The following SUPT3H variants were observed in gnomAD, a reference collection of about 807,000 sequenced individuals.
The protein encoded by SUPT3H is transcription initiation protein SPT3 homolog.
A neutral mutation model predicts 44.3 loss-of-function variants in SUPT3H; 44 were observed. That is an observed-to-expected ratio of 0.99 (90% CI 0.78 to 1.28). SUPT3H has a LOEUF of 1.28. SUPT3H is among the 50% of genes most tolerant of loss of function. SUPT3H has a pLI of 0.00. For synonymous variants in SUPT3H, 124 were observed against 125.6 expected (o/e 0.99, Z 0.09); for missense variants, 380 against 387.1 (o/e 0.98, Z 0.15).
intron 2 of SUPT3H, among the ~76,000 whole-genome samples, chr6:45,249,916 T>C (rs965934355): frequency 6.6e-6 from 1 of 152,170 alleles, no homozygotes; most frequent in Non-Finnish European, 1.5e-5. Flanking sequence ...AGATCCCTTC[T>C]GCTCAGCTGC....
At chr6:45,002,056 C>T (rs1421713062) in intron 6 of SUPT3H, among the ~76,000 whole-genome samples, 2 of 151,992 alleles carry the variant, frequency 1.3e-5, no homozygotes, top group Admixed American at 6.6e-5. Context: ...CAAAGCTTAA[C>T]GAAGTTGCCA....
In SUPT3H at chr6:44,829,509, G is replaced by A; in HGVS notation, c.*307C>T. ...GGACGGGGGCAACCACTGCTTTTAA[G>A]GTATGTGAGCTGAGGGCAGTAAATC... On this transcript the variant is annotated 3_prime_UTR_variant, in exon 11 of 11. Coordinates refer to ENST00000371459, the MANE Select transcript of SUPT3H (RefSeq NM_003599.4). The A allele has an allele frequency of 4.3e-6, 1 of 231,118 alleles. No homozygotes were observed. The highest frequency in any genetic ancestry group is 9.1e-5 in the East Asian group (1 of 10,930). 14.3% of individuals were successfully genotyped at this position (231,118 alleles called of 1,614,324 possible). A position where few individuals can be genotyped will look rare whatever the true frequency, so the allele number is the denominator to read the frequency against.
intron 10 of SUPT3H, among the ~76,000 whole-genome samples, chr6:44,884,076 C>G: frequency 6.6e-6 from 1 of 152,092 alleles, no homozygotes; most frequent in East Asian, 1.9e-4. Context: ...AACAGACAAC[C>G]TACAGAATGG....
At position 45,359,618 on chromosome 6, in the gene SUPT3H, C is replaced by T. The variant is rs1395812170; in HGVS notation, c.101+5583G>A. Among the ~76,000 whole-genome samples, 9 of 152,182 alleles carry T rather than the reference C, an allele frequency of 5.9e-5. 1 individual carries two copies. The East Asian group carries it at 1.5e-3, about 26-fold the overall frequency. On this transcript the variant is annotated intron_variant, in intron 2 of 10. Coordinates refer to ENST00000371459, the MANE Select transcript of SUPT3H (RefSeq NM_003599.4). Reference sequence around the variant, plus strand: ...CCAAAATTATGAAATAACACAAATACAAGCATCTAATAAGTATATAGTAAG... The same window carrying T: ...CCAAAATTATGAAATAACACAAATATAAGCATCTAATAAGTATATAGTAAG...
chr6:45,106,107 T>C (rs1799234701), intron 2 of SUPT3H, 101 bp from the exon 3 acceptor site: 3 of 1,013,906 alleles, frequency 3.0e-6, no homozygotes, highest in African/African-American at 3.2e-5. Context: ...AAGGAGAACA[T>C]AAATTGTTTG....
downstream of SUPT3H, among the ~76,000 whole-genome samples, chr6:44,826,317 C>A (rs184188205): frequency 3.3e-5 from 5 of 152,210 alleles, no homozygotes; most frequent in African/African-American, 1.2e-4. Flanking sequence ...TGCCACTGTA[C>A]AACAATAGCA....
Position 44,954,557 on chromosome 6 carries a change from T to C in SUPT3H, c.631A>G (p.Ile211Val). The C allele has an allele frequency of 6.2e-7, 1 of 1,614,150 alleles. No homozygotes were observed. Among genetic ancestry groups the C allele is most frequent in the Non-Finnish European group, 8.5e-7 (1 of 1,180,030 alleles). ...RDWLDCSSME[I>V]KPNVVAMEIL... The stretch of plus-strand genomic sequence containing the variant: ...TCCATTGCGACAACATTGGGTTTTA[T>C]CTCCATACTGCTGCAGTCCAACCAG... The change falls in exon 8 of 11, where the codon ATA becomes GTA. Residue 211 changes from isoleucine (I) to valine (V), a missense_variant. Transcript: ENST00000371459.
intron 3 of SUPT3H, among the ~76,000 whole-genome samples, chr6:45,057,581 C>CAAGG (rs1180473066): frequency 1.3e-5 from 2 of 152,104 alleles, no homozygotes; most frequent in Non-Finnish European, 2.9e-5. Flanking sequence ...TTGAGGAGGA[C>CAAGG]TCAGAGTTGA....
rs139159796 is a variant in SUPT3H at position 44,975,734 on chromosome 6, T to C, written c.505-13906A>G. The stretch of plus-strand genomic sequence containing the variant: ...TCCTCAAACACTATTGGGAAAAAAA[T>C]TGAAATGTCAATATACTTGGAAAGA... On this transcript the variant is annotated intron_variant, in intron 6 of 10. Coordinates refer to ENST00000371459, the MANE Select transcript of SUPT3H (RefSeq NM_003599.4). Among the ~76,000 whole-genome samples, 1,378 of 151,982 alleles carry C rather than the reference T, an allele frequency of 9.1e-3. 14 individuals carry two copies. Among genetic ancestry groups the C allele is most frequent in the South Asian group, 0.028 (137 of 4,810 alleles).
intron 2 of SUPT3H, among the ~76,000 whole-genome samples, chr6:45,232,360 A>C (rs1768217473): frequency 6.6e-6 from 1 of 152,156 alleles, no homozygotes; most frequent in Admixed American, 6.5e-5. Context: ...GGCTTAGGTT[A>C]TGGTTATCAG....
chr6:44,870,612 A>G (rs1343627762), intron 10 of SUPT3H, among the ~76,000 whole-genome samples: 1 of 151,516 alleles, frequency 6.6e-6, no homozygotes, highest in Non-Finnish European at 1.5e-5. Flanking sequence ...AAAAAAAAAA[A>G]AAAGAAAGAA....
intron 3 of SUPT3H, among the ~76,000 whole-genome samples, chr6:45,059,206 G>A (rs1164173433): frequency 6.6e-6 from 1 of 151,956 alleles, no homozygotes; most frequent in African/African-American, 2.4e-5. Context: ...CTGGCAAATC[G>A]AATCCAAAAG....
intron 1 of SUPT3H, among the ~76,000 whole-genome samples, chr6:45,372,894 T>A: frequency 6.6e-6 from 1 of 152,254 alleles, no homozygotes; most frequent in Non-Finnish European, 1.5e-5. Flanking sequence ...CTTGGCTCAC[T>A]GCAACCTCCG....
intron 2 of SUPT3H, among the ~76,000 whole-genome samples, chr6:45,134,135 T>C (rs936508236): frequency 4.6e-5 from 7 of 152,286 alleles, no homozygotes; most frequent in South Asian, 2.1e-4. Context: ...GGTCAAGTGA[T>C]TGGCATCTGG....
chr6:45,212,736 C>A (rs1288260185), intron 2 of SUPT3H, among the ~76,000 whole-genome samples: 1 of 152,182 alleles, frequency 6.6e-6, no homozygotes, highest in Non-Finnish European at 1.5e-5. Context: ...ATTCTACATA[C>A]AAATAACCTT....
At chr6:44,846,054 G>C (rs1771824184) in intron 10 of SUPT3H, among the ~76,000 whole-genome samples, 1 of 152,184 alleles carries the variant, frequency 6.6e-6, no homozygotes, top group Admixed American at 6.5e-5. Flanking sequence ...ACACTGCCAT[G>C]GGGTCAGAGC....
At chr6:44,912,138 C>T (rs1249679389) in intron 10 of SUPT3H, among the ~76,000 whole-genome samples, 2 of 152,112 alleles carry the variant, frequency 1.3e-5, no homozygotes, top group Non-Finnish European at 2.9e-5. Context: ...TTTAAGTGTA[C>T]AAGTCAGTGG....
intron 2 of SUPT3H, among the ~76,000 whole-genome samples, chr6:45,177,003 A>C (rs911557908): frequency 6.6e-6 from 1 of 152,098 alleles, no homozygotes; most frequent in South Asian, 2.1e-4. Context: ...ACTCTAAAAA[A>C]CAGAGTGCCT....
At chr6:45,342,863 T>C (rs1309999746) in intron 2 of SUPT3H, among the ~76,000 whole-genome samples, 1 of 152,188 alleles carries the variant, frequency 6.6e-6, no homozygotes, top group African/African-American at 2.4e-5. Flanking sequence ...TACAAGATAT[T>C]TGTAAATCGA....
Sources: gnomAD v4.1 joint callset for allele counts (sites outside exome capture counted in the v4.1 genomes callset) on GRCh38, gnomAD v4.1.1 for gene constraint, MANE v1.5 for transcripts, NCBI Gene and HGNC (gene_info 2026-07-23, HGNC 2026-07-21) for gene names.